The following DNAJB6 variants were observed in gnomAD, a reference collection of about 807,000 sequenced individuals.
DNAJB6 encodes the protein DnaJ heat shock protein family (Hsp40) member B6.
A neutral mutation model predicts 42.7 loss-of-function variants in DNAJB6; 16 were observed. The ratio of observed to expected loss-of-function variants is 0.37; its 90% confidence interval spans 0.25 to 0.57. DNAJB6 has a LOEUF of 0.57. Ranked by LOEUF, DNAJB6 falls within the 20% of genes least tolerant of loss-of-function variation. The probability of loss-of-function intolerance (pLI) is 0.74; values close to 1 mark genes in which losing one functional copy is unlikely to be tolerated. For synonymous variants in DNAJB6, 170 were observed against 163.5 expected (o/e 1.04, Z -0.30); for missense variants, 347 against 416.8 (o/e 0.83, Z 1.46).
At chr7:157,343,398 G>A (rs1302283179) in intron 1 of DNAJB6, among the ~76,000 whole-genome samples, 1 of 152,058 alleles carries the variant, frequency 6.6e-6, no homozygotes, top group African/African-American at 2.4e-5. Context: ...CAGGTGATCT[G>A]CGTGCCTCGG....
At chr7:157,343,776 C>T (rs552632386) in intron 1 of DNAJB6, among the ~76,000 whole-genome samples, 1 of 152,014 alleles carries the variant, frequency 6.6e-6, no homozygotes, top group East Asian at 1.9e-4. Context: ...TTTTAAAAGT[C>T]CTAAACTTAG....
intron 5 of DNAJB6, among the ~76,000 whole-genome samples, chr7:157,377,915 C>G (rs1405139527): frequency 2.0e-5 from 3 of 152,216 alleles, no homozygotes. Context: ...ATCCCACAGA[C>G]AACCAACAGT....
chr7:157,406,786 G>T (rs1302820113), intron 8 of DNAJB6, among the ~76,000 whole-genome samples: 1 of 152,246 alleles, frequency 6.6e-6, no homozygotes, highest in South Asian at 2.1e-4. Flanking sequence ...AGCTTTGGAC[G>T]CTGCAGGTGT....
In DNAJB6 at chr7:157,416,926, G is replaced by A. The variant is rs1010781950; in HGVS notation, c.*828G>A. On this transcript the variant is annotated 3_prime_UTR_variant, in exon 10 of 10. Coordinates refer to ENST00000262177, the MANE Select transcript of DNAJB6 (RefSeq NM_058246.4). ...CAGTTCGCGAACATTGACTCCTTAC[G>A]AAAGTCACTTCATTCTAACTAGATG... 3.3e-5 allele frequency: 5 copies of A among 152,146 alleles called. No individual in the cohort carries two copies. The highest frequency in any genetic ancestry group is 7.3e-5 in the Non-Finnish European group (5 of 68,038). The allele number at this position is 152,146 out of a possible 1,614,324, so 9.4% of individuals were successfully genotyped here. A position where few individuals can be genotyped will look rare whatever the true frequency, so the allele number is the denominator to read the frequency against.
intron 9 of DNAJB6, chr7:157,411,715 G>GCGGTGAGGCTC (rs1283942616): frequency 6.6e-6 from 1 of 151,552 alleles, no homozygotes; most frequent in African/African-American, 2.4e-5. Context: ...TGTTTAAAGT[G>GCGGTGAGGCTC]CGGTGAGGCT....
chr7:157,374,789 A>G (rs1281065350), intron 5 of DNAJB6, among the ~76,000 whole-genome samples: 3 of 152,210 alleles, frequency 2.0e-5, no homozygotes, highest in Non-Finnish European at 4.4e-5. Context: ...GGCTTGAGCC[A>G]TGCTGTAAGA....
At chr7:157,373,145 A>G (rs531769928) in intron 5 of DNAJB6, among the ~76,000 whole-genome samples, 26 of 152,206 alleles carry the variant, frequency 1.7e-4, no homozygotes, top group African/African-American at 6.0e-4. Flanking sequence ...TAACTTGATA[A>G]TCTATAAAGA....
chr7:157,390,263 T>C (rs12536831), intron 8 of DNAJB6, among the ~76,000 whole-genome samples: 68,131 of 152,144 alleles, frequency 0.45, 15,725 homozygotes, highest in African/African-American at 0.56. Flanking sequence ...AGGCTTGCCA[T>C]GTGGATCCGA....
intron 1 of DNAJB6, among the ~76,000 whole-genome samples, chr7:157,355,149 T>TTTTATTTATTTA (rs199521094): frequency 6.6e-5 from 10 of 152,116 alleles, no homozygotes; most frequent in Non-Finnish European, 1.3e-4. Flanking sequence ...CCGTAGTTTC[T>TTTTATTTATTTA]TTTATTTATT....
chr7:157,357,141 AAAAAAAC>A (rs1407717634), intron 1 of DNAJB6, among the ~76,000 whole-genome samples: 3 of 150,686 alleles, frequency 2.0e-5, no homozygotes, highest in Admixed American at 1.3e-4. Context: ...TCAATTAAAA[AAAAAAAC>A]AAAAAACAAA....
intron 5 of DNAJB6, among the ~76,000 whole-genome samples, chr7:157,377,471 C>A (rs1003670491): frequency 2.6e-5 from 4 of 152,214 alleles, no homozygotes; most frequent in African/African-American, 9.6e-5. Flanking sequence ...TTTGCAGAAT[C>A]TGCATGAGTC....
intron 8 of DNAJB6, among the ~76,000 whole-genome samples, chr7:157,407,316 C>T (rs10231208): frequency 0.044 from 6,675 of 152,264 alleles, 530 homozygotes; most frequent in African/African-American, 0.15. Context: ...GCTCTTCTGG[C>T]GGCAGTGACA....
intron 8 of DNAJB6, among the ~76,000 whole-genome samples, chr7:157,388,053 C>T (rs1214235329): frequency 1.3e-5 from 2 of 152,152 alleles, no homozygotes; most frequent in African/African-American, 4.8e-5. Context: ...ACCATGTTGT[C>T]AGGGCTGGTC....
chr7:157,369,070 A>G, intron 5 of DNAJB6: 1 of 361,794 alleles, frequency 2.8e-6, no homozygotes, highest in South Asian at 2.1e-5. Context: ...GGGAGGAAGG[A>G]CAGTCAGTGG....
In DNAJB6 at chr7:157,355,887, T is replaced by C. The variant is rs140796916; in HGVS notation, c.-26-2660T>C. On this transcript the variant is annotated intron_variant, in intron 1 of 9. Coordinates refer to ENST00000262177, the MANE Select transcript of DNAJB6 (RefSeq NM_058246.4). ...AGTGAGAGTGTTTTTGGTGGTGAAG[T>C]AAATCACAGCATTCCCCAGCTGGCC... Among the ~76,000 whole-genome samples, 746 of 152,328 alleles carry C rather than the reference T, an allele frequency of 4.9e-3. 14 individuals carry two copies. The highest frequency in any genetic ancestry group is 0.018 in the Admixed American group (275 of 15,300).
At chr7:157,381,627 A>C (rs1007640450) in intron 5 of DNAJB6, 3 of 152,096 alleles carry the variant, frequency 2.0e-5, no homozygotes, top group African/African-American at 4.8e-5. Flanking sequence ...ATTTGTTCAG[A>C]TTTGATTTCA....
chr7:157,413,127 C>G (rs1344001921), intron 9 of DNAJB6: 3 of 152,310 alleles, frequency 2.0e-5, no homozygotes, highest in South Asian at 2.1e-4. Context: ...CCAGCGCTCG[C>G]CCTGCCTGCG....
At chr7:157,370,243 C>G (rs1215342122) in intron 5 of DNAJB6, among the ~76,000 whole-genome samples, 1 of 150,090 alleles carries the variant, frequency 6.7e-6, no homozygotes, top group Non-Finnish European at 1.5e-5. Context: ...TAAACAGGCC[C>G]TTTCTTAACA....
chr7:157,354,275 G>C (rs1400768851), intron 1 of DNAJB6, among the ~76,000 whole-genome samples: 1 of 152,030 alleles, frequency 6.6e-6, no homozygotes, highest in Non-Finnish European at 1.5e-5. Flanking sequence ...AGCCTCTTGA[G>C]TAGCTGGGAT....
Sources: gnomAD v4.1 joint callset for allele counts (sites outside exome capture counted in the v4.1 genomes callset) on GRCh38, gnomAD v4.1.1 for gene constraint, MANE v1.5 for transcripts, NCBI Gene and HGNC (gene_info 2026-07-23, HGNC 2026-07-21) for gene names.